LRMDA: variants seen among roughly 807,000 people sequenced by gnomAD.
The protein encoded by LRMDA is leucine-rich melanocyte differentiation-associated protein.
LRMDA carries 18 observed loss-of-function variants against 29.8 expected under a neutral mutation model. The observed-to-expected ratio is 0.60, with a 90% CI of 0.42 to 0.90. The LOEUF is 0.90. Among genes scored for constraint, LRMDA ranks in the 40% least tolerant of loss-of-function variants. LRMDA has a pLI of 0.00. For missense variants in LRMDA, 273 were observed against 273.9 expected, an observed-to-expected ratio of 1.00 and a Z score of 0.02; for synonymous variants, 125 against 109.4, an observed-to-expected ratio of 1.14 and a Z score of -0.89.
At chr10:76,324,699 G>A (rs1358990874) in intron 6 of LRMDA, among the ~76,000 whole-genome samples, 2 of 151,786 alleles carry the variant, frequency 1.3e-5, no homozygotes, top group Non-Finnish European at 2.9e-5. Context: ...ATAAATCTAC[G>A]GTATAATATA....
intron 5 of LRMDA, among the ~76,000 whole-genome samples, chr10:76,266,719 T>C (rs1840010592): frequency 6.6e-6 from 1 of 152,228 alleles, no homozygotes; most frequent in Admixed American, 6.5e-5. Flanking sequence ...CTTGAGTTAA[T>C]TAGATTATTA....
chr10:75,728,542 G>A (rs377499406), intron 2 of LRMDA, among the ~76,000 whole-genome samples: 1 of 151,346 alleles, frequency 6.6e-6, no homozygotes, highest in East Asian at 2.0e-4. Context: ...GGGCAGAAAA[G>A]ACACATCTGA....
At chr10:76,004,978 C>T (rs898725156) in intron 2 of LRMDA, among the ~76,000 whole-genome samples, 8 of 152,110 alleles carry the variant, frequency 5.3e-5, no homozygotes, top group African/African-American at 1.4e-4. Context: ...CCACCCACCT[C>T]GGCCTCCCAA....
rs1159289417 is a variant in LRMDA at position 76,507,142 on chromosome 10, AG to A, written c.602-50065del. ...TTTTTGATAATAGCCATTTTAACTG[AG>A]GTGAGTTAATAATTCATTGTAGTTT... is the stretch of plus-strand genomic sequence containing the variant. On this transcript the variant is annotated intron_variant, in intron 6 of 6. Transcript: ENST00000611255. 4.6e-5 allele frequency among the ~76,000 whole-genome samples: 7 copies of A among 151,978 alleles called. No individual in the cohort carries two copies. In the South Asian group the frequency reaches 1.5e-3, roughly 32 times the overall value.
At chr10:75,641,542 G>T (rs887361064) in intron 2 of LRMDA, among the ~76,000 whole-genome samples, 1 of 151,984 alleles carries the variant, frequency 6.6e-6, no homozygotes, top group Admixed American at 6.6e-5. Context: ...CTGTCACTCA[G>T]GCTGGAGTGC....
chr10:75,607,682 C>A (rs1053395636), intron 2 of LRMDA, among the ~76,000 whole-genome samples: 25 of 152,098 alleles, frequency 1.6e-4, no homozygotes, highest in Non-Finnish European at 4.4e-5. Context: ...GGTTTTGTAA[C>A]AACAGCACTG....
At chr10:76,425,751 C>T (rs529784972) in intron 6 of LRMDA, among the ~76,000 whole-genome samples, 1 of 146,932 alleles carries the variant, frequency 6.8e-6, no homozygotes, top group Non-Finnish European at 1.5e-5. Context: ...ATCCCTTCCC[C>T]CTCCCTCCAC....
intron 2 of LRMDA, among the ~76,000 whole-genome samples, chr10:75,969,030 G>C (rs886137883): frequency 6.6e-6 from 1 of 152,114 alleles, no homozygotes; most frequent in Non-Finnish European, 1.5e-5. Context: ...ATAAAGCCCA[G>C]GCCTTTAAAG....
intron 2 of LRMDA, among the ~76,000 whole-genome samples, chr10:75,612,053 TG>T (rs1841038916): frequency 6.6e-6 from 1 of 152,200 alleles, no homozygotes. Context: ...AAAAGGTGAA[TG>T]GGGTTTCTAG....
intron 2 of LRMDA, among the ~76,000 whole-genome samples, chr10:75,814,365 T>C (rs1357852091): frequency 1.3e-5 from 2 of 152,228 alleles, no homozygotes. Context: ...GTGGTACTTA[T>C]GCTGTCTGAA....
At chr10:75,805,705 T>C (rs543790318) in intron 2 of LRMDA, among the ~76,000 whole-genome samples, 5 of 152,294 alleles carry the variant, frequency 3.3e-5, no homozygotes, top group Admixed American at 3.3e-4. Flanking sequence ...TACTATCAAT[T>C]TCTACTTAAT....
chr10:75,653,467 T>A (rs1047480078), intron 2 of LRMDA, among the ~76,000 whole-genome samples: 1 of 152,192 alleles, frequency 6.6e-6, no homozygotes, highest in African/African-American at 2.4e-5. Flanking sequence ...TAAATCTAAT[T>A]TGAAATTAAT....
chr10:75,746,264 G>A (rs1313123952), intron 2 of LRMDA, among the ~76,000 whole-genome samples: 2 of 152,208 alleles, frequency 1.3e-5, no homozygotes, highest in Admixed American at 6.5e-5. Flanking sequence ...ACTGACAGAG[G>A]TGTTTGGTTT....
chr10:75,501,910 C>T (rs1333300987), intron 2 of LRMDA, among the ~76,000 whole-genome samples: 2 of 152,198 alleles, frequency 1.3e-5, no homozygotes, highest in African/African-American at 4.8e-5. Context: ...CCTCCCACCT[C>T]AGTCTCCCAA....
chr10:76,451,500 C>T (rs1272742751), intron 6 of LRMDA, among the ~76,000 whole-genome samples: 9 of 151,104 alleles, frequency 6.0e-5, no homozygotes, highest in East Asian at 2.0e-4. Flanking sequence ...CCACTGCACC[C>T]GGCCTCTGAT....
At chr10:76,370,958 A>G (rs1204062761) in intron 6 of LRMDA, among the ~76,000 whole-genome samples, 1 of 152,170 alleles carries the variant, frequency 6.6e-6, no homozygotes, top group Non-Finnish European at 1.5e-5. Flanking sequence ...GTAAGTTTGT[A>G]AAACCACTGA....
At chr10:75,916,169 T>A (rs1167801379) in intron 2 of LRMDA, among the ~76,000 whole-genome samples, 1 of 63,806 alleles carries the variant, frequency 1.6e-5, no homozygotes, top group East Asian at 3.8e-4. Flanking sequence ...GGCCTATGTG[T>A]GTGTGTGTGT....
intron 2 of LRMDA, among the ~76,000 whole-genome samples, chr10:75,744,720 G>A (rs901587844): frequency 6.6e-6 from 1 of 152,184 alleles, no homozygotes; most frequent in Admixed American, 6.5e-5. Flanking sequence ...TTTCTGTTAT[G>A]CTAGATGTTC....
At chr10:75,762,490 G>C (rs1317967273) in intron 2 of LRMDA, among the ~76,000 whole-genome samples, 1 of 152,218 alleles carries the variant, frequency 6.6e-6, no homozygotes, top group Non-Finnish European at 1.5e-5. Context: ...AAGATGTGCA[G>C]TGCCCAGGCA....
Sources: allele counts gnomAD v4.1 joint callset (sites outside exome capture counted in the v4.1 genomes callset), GRCh38; gene constraint gnomAD v4.1.1; transcripts MANE v1.5; gene names NCBI Gene and HGNC (gene_info 2026-07-23, HGNC 2026-07-21).